PPP2R2A: variants seen among roughly 807,000 people sequenced by gnomAD.
PPP2R2A encodes serine/threonine-protein phosphatase 2A 55 kDa regulatory subunit B alpha isoform.
PPP2R2A carries 9 observed loss-of-function variants against 53.2 expected under a neutral mutation model. The observed-to-expected ratio is 0.17, with a 90% confidence interval of 0.10 to 0.30. The LOEUF (loss-of-function observed/expected upper bound fraction) is 0.30. PPP2R2A is among the 10% of genes least tolerant of loss of function. The pLI is 1.00. For synonymous variants in PPP2R2A, 169 were observed against 174.2 expected (o/e 0.97, Z 0.23); for missense variants, 235 against 534.6 (o/e 0.44, Z 5.53).
At chr8:26,292,102 G>A in intron 1 of PPP2R2A, 7 of 1,218,436 alleles carry the variant, frequency 5.7e-6, no homozygotes, top group Non-Finnish European at 7.2e-6. Context: ...TGGGTGGGGC[G>A]GGGTGGGGGT....
chr8:26,293,167 A>G (rs1157049306), intron 1 of PPP2R2A: 3 of 1,413,410 alleles, frequency 2.1e-6, no homozygotes, highest in South Asian at 1.3e-5. Flanking sequence ...AATGAATGCA[A>G]AGAAATGGGT....
chr8:26,352,863 A>G (rs1804591693), intron 3 of PPP2R2A, among the ~76,000 whole-genome samples: 1 of 152,226 alleles, frequency 6.6e-6, no homozygotes. Flanking sequence ...TGTGTAGACC[A>G]TAACCAGTTT....
intron 2 of PPP2R2A, among the ~76,000 whole-genome samples, chr8:26,336,300 G>A (rs1343324909): frequency 5.3e-5 from 8 of 151,956 alleles, no homozygotes; most frequent in African/African-American, 1.9e-4. Flanking sequence ...ATGGTGGTCC[G>A]CACCTGTAGT....
intron 2 of PPP2R2A, among the ~76,000 whole-genome samples, chr8:26,301,570 T>C (rs918036753): frequency 2.0e-5 from 3 of 152,132 alleles, no homozygotes; most frequent in African/African-American, 7.2e-5. Flanking sequence ...ATGGCGTTCG[T>C]TAGCTGAGAT....
intron 2 of PPP2R2A, among the ~76,000 whole-genome samples, chr8:26,330,315 T>TTTTTC (rs1803305879): frequency 1.5e-5 from 2 of 137,560 alleles, no homozygotes; most frequent in African/African-American, 2.7e-5. Context: ...TTCTTTTTTT[T>TTTTTC]TTTTTTTTTT....
chr8:26,325,820 T>C, intron 2 of PPP2R2A, among the ~76,000 whole-genome samples: 1 of 152,278 alleles, frequency 6.6e-6, no homozygotes, highest in Non-Finnish European at 1.5e-5. Context: ...ATGTAAACTT[T>C]ACTTATTTTT....
intron 8 of PPP2R2A, 71 bp downstream of exon 8, chr8:26,363,961 T>C (rs571144749): frequency 5.2e-6 from 7 of 1,355,940 alleles, no homozygotes; most frequent in Non-Finnish European, 5.9e-6. Context: ...AAGGATTTTG[T>C]TACTAGGTTT....
intron 2 of PPP2R2A, among the ~76,000 whole-genome samples, chr8:26,313,043 CTTTTTTTT>C (rs200047800): frequency 7.0e-6 from 1 of 142,150 alleles, no homozygotes; most frequent in Middle Eastern, 3.6e-3. Context: ...TCTTTTTTTT[CTTTTTTTT>C]TTTTTGAGAT....
rs1251014231 is a variant in PPP2R2A, at chr8:26,362,935, G to C, written c.802+87G>C. 4 of 1,337,832 alleles carry C rather than the reference G, an allele frequency of 3.0e-6. No individual in the cohort carries two copies. The Admixed American group carries it at 8.3e-5, about 28-fold the overall frequency. The allele number at this position is 1,337,832 out of a possible 1,614,324, so 82.9% of individuals were successfully genotyped here. The stretch of plus-strand genomic sequence containing the variant: ...AGACATGATAAGTACAATTACAGAG[G>C]TTCAAAGTCTTAAACCCGTGTGTCC... On this transcript the variant is annotated intron_variant, in intron 7 of 9. Transcript: ENST00000380737. The surrounding 1 kb of genome is among the most constrained non-coding windows in gnomAD (Gnocchi z 4.4).
intron 8 of PPP2R2A, 96 bp downstream of exon 8, chr8:26,363,986 T>A (rs1468197297): frequency 1.9e-5 from 22 of 1,183,094 alleles, no homozygotes; most frequent in Non-Finnish European, 2.4e-5. Context: ...CCCTGTATGG[T>A]GTTTGTTCAC....
In PPP2R2A at chr8:26,291,764, A is replaced by C; in HGVS notation, c.-56A>C. On this transcript the variant is annotated 5_prime_UTR_variant, in exon 1 of 10. Coordinates refer to ENST00000380737, the MANE Select transcript of PPP2R2A (RefSeq NM_002717.4). Reference sequence around the variant, plus strand: ...CCCCCATCCCCAGGTGAGGGGGGTGAGTTCAGGAAGCGGAGACCCCGAGGA... The same window carrying C: ...CCCCCATCCCCAGGTGAGGGGGGTGCGTTCAGGAAGCGGAGACCCCGAGGA... 1 of 1,464,690 alleles carries C rather than the reference A, an allele frequency of 6.8e-7. No individual in the cohort carries two copies. The allele number at this position is 1,464,690 out of a possible 1,614,324, so 90.7% of individuals were successfully genotyped here. A position where few individuals can be genotyped will look rare whatever the true frequency, so the allele number is the denominator to read the frequency against.
At chr8:26,319,730 T>G (rs989225620) in intron 2 of PPP2R2A, among the ~76,000 whole-genome samples, 1 of 152,200 alleles carries the variant, frequency 6.6e-6, no homozygotes, top group Non-Finnish European at 1.5e-5. Context: ...GGGTGGATTT[T>G]TTTTTATTTA....
intron 2 of PPP2R2A, among the ~76,000 whole-genome samples, chr8:26,317,786 A>G (rs1802631692): frequency 1.3e-5 from 2 of 152,182 alleles, no homozygotes; most frequent in African/African-American, 2.4e-5. Flanking sequence ...TCACGTGACC[A>G]TTGGTGGCAG....
At chr8:26,298,448 C>T (rs1373432047) in intron 2 of PPP2R2A, 1 of 152,142 alleles carries the variant, frequency 6.6e-6, no homozygotes, top group African/African-American at 2.4e-5. Context: ...TAGATGATAA[C>T]TAAGCTATTC....
At chr8:26,359,827 T>A (rs1804987366) in intron 4 of PPP2R2A, among the ~76,000 whole-genome samples, 1 of 152,192 alleles carries the variant, frequency 6.6e-6, no homozygotes, top group South Asian at 2.1e-4. Flanking sequence ...CATGTATATG[T>A]TTACATGTAG....
At chr8:26,350,834 G>A (rs1413480126) in intron 3 of PPP2R2A, among the ~76,000 whole-genome samples, 3 of 152,006 alleles carry the variant, frequency 2.0e-5, no homozygotes, top group African/African-American at 4.8e-5. Context: ...TACACTTTTT[G>A]TAGATGAACT....
At chr8:26,339,550 T>C (rs1803838011) in intron 3 of PPP2R2A, among the ~76,000 whole-genome samples, 1 of 152,152 alleles carries the variant, frequency 6.6e-6, no homozygotes, top group East Asian at 1.9e-4. Flanking sequence ...GAATCGGTAA[T>C]TAAAGTGGGC....
chr8:26,298,394 A>T (rs766590175), intron 2 of PPP2R2A, among the ~76,000 whole-genome samples: 1 of 152,066 alleles, frequency 6.6e-6, no homozygotes, highest in East Asian at 1.9e-4. Context: ...TGGTATTTCT[A>T]TATCTTGTCA....
chr8:26,312,124 T>C (rs1295933412), intron 2 of PPP2R2A, among the ~76,000 whole-genome samples: 3 of 152,216 alleles, frequency 2.0e-5, no homozygotes, highest in Non-Finnish European at 4.4e-5. Context: ...GACAAATATA[T>C]TTAGAGCCCT....
Sources: gnomAD v4.1 joint callset for allele counts (sites outside exome capture counted in the v4.1 genomes callset) on GRCh38, gnomAD v4.1.1 for gene constraint, Gnocchi (gnomAD v3.1) non-coding constraint, MANE v1.5 for transcripts, NCBI Gene and HGNC (gene_info 2026-07-23, HGNC 2026-07-21) for gene names.